LHFPL2: variants seen among roughly 807,000 people sequenced by gnomAD.
The protein encoded by LHFPL2 is LHFPL tetraspan subfamily member 2.
LHFPL2 carries 7 observed loss-of-function variants against 17.5 expected under a neutral mutation model. That is an observed-to-expected ratio of 0.40 (90% confidence interval 0.23 to 0.75). LHFPL2 has a LOEUF of 0.75. Ranked by LOEUF, LHFPL2 falls within the 30% of genes least tolerant of loss-of-function variation. The pLI, the probability that LHFPL2 is intolerant of heterozygous loss-of-function variation, is 0.37. For missense variants in LHFPL2, 241 were observed against 294.8 expected (o/e 0.82, Z 1.34); for synonymous variants, 134 against 116.2 (o/e 1.15, Z -0.99).
At chr5:78,637,625 G>A (rs1439594496) in intron 1 of LHFPL2, among the ~76,000 whole-genome samples, 2 of 152,178 alleles carry the variant, frequency 1.3e-5, no homozygotes, top group Non-Finnish European at 1.5e-5. Flanking sequence ...TGGCATGCAC[G>A]GTTCAGCCCT....
intron 4 of LHFPL2, chr5:78,494,602 G>T: frequency 2.8e-6 from 2 of 720,774 alleles, no homozygotes; most frequent in Non-Finnish European, 3.4e-6. Context: ...GCCACCTCCA[G>T]CTGGAGACAG....
At chr5:78,618,719 A>G (rs952772736) in intron 2 of LHFPL2, among the ~76,000 whole-genome samples, 3 of 152,262 alleles carry the variant, frequency 2.0e-5, no homozygotes, top group Admixed American at 2.0e-4. Flanking sequence ...AAGTCCACCC[A>G]GATTCAAGGA....
intron 2 of LHFPL2, among the ~76,000 whole-genome samples, chr5:78,585,431 T>G (rs1743347489): frequency 6.6e-6 from 1 of 152,184 alleles, no homozygotes; most frequent in African/African-American, 2.4e-5. Flanking sequence ...CTCCTTGAGC[T>G]TCCCGAGTGA....
intron 4 of LHFPL2, among the ~76,000 whole-genome samples, chr5:78,502,359 C>G (rs774157319): frequency 1.3e-4 from 20 of 152,202 alleles, no homozygotes; most frequent in Non-Finnish European, 1.2e-4. Flanking sequence ...AGCAGTAATT[C>G]CTGTTTAAAA....
intron 2 of LHFPL2, among the ~76,000 whole-genome samples, chr5:78,587,218 T>C (rs1055648115): frequency 6.8e-6 from 1 of 147,396 alleles, no homozygotes; most frequent in Non-Finnish European, 1.5e-5. Flanking sequence ...CAAAGCCAAT[T>C]AAAGTTGGTC....
intron 4 of LHFPL2, 81 bp downstream of exon 4, chr5:78,509,703 C>T (rs974402294): frequency 1.4e-6 from 2 of 1,389,552 alleles, no homozygotes; most frequent in Non-Finnish European, 2.0e-6. Context: ...TAGCAGGAAG[C>T]GAATGCCCAG....
At chr5:78,492,672 G>T (rs16875505) in intron 4 of LHFPL2, among the ~76,000 whole-genome samples, 36,331 of 152,150 alleles carry the variant, frequency 0.24, 4,631 homozygotes, top group East Asian at 0.45. Context: ...AAGTAAAGCA[G>T]GGAGACTCTT....
At chr5:78,529,168 C>A (rs1429759518) in intron 3 of LHFPL2, among the ~76,000 whole-genome samples, 1 of 151,820 alleles carries the variant, frequency 6.6e-6, no homozygotes, top group Non-Finnish European at 1.5e-5. Flanking sequence ...CGCCTGTAGT[C>A]CCAGCTACAC....
At chr5:78,621,023 A>G (rs1320503267) in intron 2 of LHFPL2, among the ~76,000 whole-genome samples, 1 of 147,970 alleles carries the variant, frequency 6.8e-6, no homozygotes, top group Non-Finnish European at 1.5e-5. Context: ...GCTGGAGTGT[A>G]GTGGCTCGAT....
chr5:78,566,040 GA>G (rs1250170226), intron 2 of LHFPL2, among the ~76,000 whole-genome samples: 1 of 152,170 alleles, frequency 6.6e-6, no homozygotes, highest in Non-Finnish European at 1.5e-5. Context: ...GAGTTCATGA[GA>G]TATTAAAAAT....
chr5:78,586,044 C>G (rs1743381474), intron 2 of LHFPL2, among the ~76,000 whole-genome samples: 1 of 152,198 alleles, frequency 6.6e-6, no homozygotes, highest in Admixed American at 6.5e-5. Context: ...TGAGGAACAG[C>G]ACCAACCTTG....
At chr5:78,560,607 T>A (rs1161011866) in intron 3 of LHFPL2, among the ~76,000 whole-genome samples, 1 of 152,170 alleles carries the variant, frequency 6.6e-6, no homozygotes, top group African/African-American at 2.4e-5. Context: ...AGGGCTCCCC[T>A]TGACAGCTTC....
intron 2 of LHFPL2, chr5:78,625,712 T>C (rs1745010703): frequency 1.3e-5 from 2 of 152,358 alleles, no homozygotes; most frequent in South Asian, 2.1e-4. Context: ...TTCATTTATG[T>C]CATTCATTCA....
Position 78,489,130 on chromosome 5 carries a change from T to A in LHFPL2, c.454A>T (p.Ile152Leu), listed in dbSNP as rs200336647. 97 of 1,613,978 alleles carry A rather than the reference T, an allele frequency of 6.0e-5. No individual in the cohort carries two copies. The highest frequency in any genetic ancestry group is 2.5e-6 in the Non-Finnish European group (3 of 1,180,030). Residue 152 changes from isoleucine to leucine, a missense_variant, in exon 5 of 5, where the codon ATA becomes TTA. By Grantham distance (5) the Ile-to-Leu change is conservative. Coordinates refer to ENST00000380345, the MANE Select transcript of LHFPL2 (RefSeq NM_005779.3). ...CAACCCCAGCCAGCAGGGTAGAGTA[T>A]CAAACCGAGGATAAGGAATAGACCT... ...IAGLFLILGL[I>L]LYPAGWGCQK...
intron 3 of LHFPL2, among the ~76,000 whole-genome samples, chr5:78,520,793 C>T (rs540465411): frequency 8.0e-5 from 12 of 150,620 alleles, no homozygotes; most frequent in South Asian, 2.1e-4. Context: ...TTTCCCACTA[C>T]GGTCTTTCGG....
intron 3 of LHFPL2, among the ~76,000 whole-genome samples, chr5:78,523,820 GA>G (rs1755535178): frequency 6.6e-6 from 1 of 152,048 alleles, no homozygotes; most frequent in Non-Finnish European, 1.5e-5. Flanking sequence ...TTAATTAAAA[GA>G]AAAAAGTCCC....
intron 3 of LHFPL2, among the ~76,000 whole-genome samples, chr5:78,534,079 A>G (rs899281692): frequency 3.9e-5 from 6 of 152,140 alleles, no homozygotes; most frequent in Non-Finnish European, 7.4e-5. Flanking sequence ...CAGGGAGAGG[A>G]GGGATATGAC....
chr5:78,589,142 A>G (rs1391348206), intron 2 of LHFPL2, among the ~76,000 whole-genome samples: 1 of 152,160 alleles, frequency 6.6e-6, no homozygotes, highest in African/African-American at 2.4e-5. Flanking sequence ...CCATTGAGAT[A>G]CAAAGTGGGA....
chr5:78,536,908 G>A (rs1158309919), intron 3 of LHFPL2, among the ~76,000 whole-genome samples: 2 of 152,186 alleles, frequency 1.3e-5, no homozygotes, highest in African/African-American at 4.8e-5. Context: ...ATTGAGCAGG[G>A]TAACTTCCTT....
Sources: allele counts gnomAD v4.1 joint callset (sites outside exome capture counted in the v4.1 genomes callset), GRCh38; gene constraint gnomAD v4.1.1; transcripts MANE v1.5; gene names NCBI Gene and HGNC (gene_info 2026-07-23, HGNC 2026-07-21).